ZNF438: variants seen among roughly 807,000 people sequenced by gnomAD.
ZNF438 encodes zinc finger protein 438.
ZNF438 carries 25 observed loss-of-function variants against 38.0 expected under a neutral mutation model. That is an observed-to-expected ratio of 0.66 (90% CI 0.48 to 0.92). ZNF438 has a LOEUF of 0.92. ZNF438 is among the 40% of genes least tolerant of loss of function. The pLI, the probability that ZNF438 is intolerant of heterozygous loss-of-function variation, is 0.00. For missense variants in ZNF438, 1,007 were observed against 999.6 expected (o/e 1.01, Z -0.10); for synonymous variants, 372 against 364.1 (o/e 1.02, Z -0.25).
chr10:30,922,879 A>G (rs928220510), intron 2 of ZNF438, among the ~76,000 whole-genome samples: 5 of 152,256 alleles, frequency 3.3e-5, no homozygotes, highest in East Asian at 1.9e-4. Context: ...TAAAAATTGT[A>G]CATTGCCAAG....
chr10:30,885,282 CT>C (rs2039809701), intron 3 of ZNF438, among the ~76,000 whole-genome samples: 1 of 152,184 alleles, frequency 6.6e-6, no homozygotes, highest in Admixed American at 6.5e-5. Context: ...GGCAGCTGCT[CT>C]TTTGACAGGC....
chr10:30,881,018 T>A (rs55964898), intron 3 of ZNF438, among the ~76,000 whole-genome samples: 2 of 152,114 alleles, frequency 1.3e-5, no homozygotes, highest in African/African-American at 4.8e-5. Context: ...ATGAGAAACC[T>A]AAAGCTAAAA....
At chr10:30,930,402 G>A (rs944030516) in intron 2 of ZNF438, among the ~76,000 whole-genome samples, 10 of 152,084 alleles carry the variant, frequency 6.6e-5, no homozygotes, top group African/African-American at 1.2e-4. Context: ...GCGCAGCCCC[G>A]GTTCCCACCC....
chr10:30,971,393 T>A (rs1379903809), intron 1 of ZNF438, among the ~76,000 whole-genome samples: 1 of 152,028 alleles, frequency 6.6e-6, no homozygotes, highest in African/African-American at 2.4e-5. Context: ...AAAAAACATA[T>A]CCATCTGTGG....
intron 2 of ZNF438, among the ~76,000 whole-genome samples, chr10:30,917,221 G>C (rs910075499): frequency 1.3e-5 from 2 of 152,040 alleles, no homozygotes; most frequent in Non-Finnish European, 1.5e-5. Context: ...AATAACCACA[G>C]TCTGTTTATC....
In ZNF438 at chr10:31,021,065, T is replaced by C. The variant is rs1371966898; in HGVS notation, c.-192+10768A>G. ...AAAAACAACAGCAACTTTTTTTTTT[T>C]TTTTTTTTTGAGACAGGCTCTCACT... On this transcript the variant is annotated intron_variant, in intron 1 of 5. Transcript: ENST00000413025. Among the ~76,000 whole-genome samples, 9 of 151,240 alleles carry C rather than the reference T, an allele frequency of 6.0e-5. No individual in the cohort carries two copies. In the South Asian group the frequency reaches 1.9e-3, roughly 31 times the overall value.
At position 30,895,152 on chromosome 10, in the gene ZNF438, A is replaced by C. The variant is rs114637585; in HGVS notation, c.-32+13781T>G. Among the ~76,000 whole-genome samples, 1,504 of 152,296 alleles carry C rather than the reference A, an allele frequency of 9.9e-3. 23 individuals carry two copies. Among genetic ancestry groups the C allele is most frequent in the African/African-American group, 0.034 (1,398 of 41,558 alleles). On this transcript the variant is annotated intron_variant, in intron 3 of 5. Transcript: ENST00000413025. ...TTGTGGATACTCAAGGATCCTAATTAAAAGGATACAACTAGGTGTGCTTTC... is the reference window on the plus strand; with the variant it reads ...TTGTGGATACTCAAGGATCCTAATTCAAAGGATACAACTAGGTGTGCTTTC...
At chr10:31,006,886 G>A (rs2055191974) in intron 1 of ZNF438, among the ~76,000 whole-genome samples, 1 of 152,044 alleles carries the variant, frequency 6.6e-6, no homozygotes, top group Admixed American at 6.5e-5. Context: ...CACTCATTTG[G>A]TAAGGCGGAA....
chr10:30,997,025 T>C (rs957060767), intron 1 of ZNF438, among the ~76,000 whole-genome samples: 2 of 152,104 alleles, frequency 1.3e-5, no homozygotes, highest in Admixed American at 6.5e-5. Flanking sequence ...CCAAAATTTA[T>C]TGGATACAGC....
At chr10:30,998,735 C>T (rs894980865) in intron 1 of ZNF438, among the ~76,000 whole-genome samples, 4 of 151,896 alleles carry the variant, frequency 2.6e-5, no homozygotes, top group South Asian at 4.2e-4. Context: ...GAAAACACAC[C>T]GATCTCTTTT....
At chr10:30,955,529 GCTAAGA>G (rs2048767575) in intron 1 of ZNF438, among the ~76,000 whole-genome samples, 1 of 152,184 alleles carries the variant, frequency 6.6e-6, no homozygotes, top group South Asian at 2.1e-4. Context: ...GTCTGACTAT[GCTAAGA>G]CTACCATGCT....
At chr10:30,990,959 A>G (rs1478937193) in intron 1 of ZNF438, among the ~76,000 whole-genome samples, 1 of 152,124 alleles carries the variant, frequency 6.6e-6, no homozygotes, top group African/African-American at 2.4e-5. Context: ...ATTTAACTGG[A>G]AAAAAAATTG....
chr10:31,032,039 C>T (rs888145088), upstream of ZNF438: 2 of 152,318 alleles, frequency 1.3e-5, no homozygotes, highest in South Asian at 4.1e-4. Flanking sequence ...GCGCAGACGG[C>T]CTCTGCGCCC....
At position 30,856,544 on chromosome 10, in the gene ZNF438, AG is replaced by A. The variant is rs556433363; in HGVS notation, c.38-6178del. ...TGGTTTATTCCACTACACATTTACAAGGCCTTTCACAGATGGTGTGATCTAA... is the reference window on the plus strand; with the variant it reads ...TGGTTTATTCCACTACACATTTACAAGCCTTTCACAGATGGTGTGATCTAA... On this transcript the variant is annotated intron_variant, in intron 4 of 5. Coordinates refer to ENST00000413025, the Ensembl canonical transcript of ZNF438. 3.8e-4 allele frequency among the ~76,000 whole-genome samples: 58 copies of A among 152,312 alleles called. 3 individuals carry two copies. In the South Asian group the frequency reaches 0.012, roughly 30 times the overall value.
chr10:30,874,950 A>G (rs1014705437), intron 4 of ZNF438, among the ~76,000 whole-genome samples: 5 of 152,128 alleles, frequency 3.3e-5, no homozygotes, highest in African/African-American at 1.2e-4. Context: ...AAGTTGTAAA[A>G]TAAGGTTTAC....
At chr10:30,952,200 G>A (rs1403326937) in intron 1 of ZNF438, among the ~76,000 whole-genome samples, 1 of 151,540 alleles carries the variant, frequency 6.6e-6, no homozygotes, top group African/African-American at 2.4e-5. Flanking sequence ...CTAGACATAT[G>A]TAGAAAGCTG....
In ZNF438 at chr10:30,893,176, T is replaced by G. The variant is rs199874215; in HGVS notation, c.-32+15757A>C. On this transcript the variant is annotated intron_variant, in intron 3 of 5. Coordinates refer to ENST00000413025, the Ensembl canonical transcript of ZNF438. ...CTTGCAAAAATTGCCATAGGAATTT[T>G]TCAATCAAATACTCAAAACGTTTAA... Among the ~76,000 whole-genome samples, 3 of 152,344 alleles carry G rather than the reference T, an allele frequency of 2.0e-5. No individual in the cohort carries two copies. In the East Asian group the frequency reaches 5.8e-4, roughly 29 times the overall value.
intron 1 of ZNF438, among the ~76,000 whole-genome samples, chr10:30,947,946 C>A (rs1324358623): frequency 2.6e-5 from 4 of 152,238 alleles, no homozygotes; most frequent in African/African-American, 9.6e-5. Context: ...CCCAGTACCT[C>A]AGATGGAAAT....
Position 30,937,339 on chromosome 10 carries a change from A to G in ZNF438, c.-115+4236T>C, listed in dbSNP as rs186880172. On this transcript the variant is annotated intron_variant, in intron 2 of 5. Coordinates refer to ENST00000413025, the Ensembl canonical transcript of ZNF438. ...TATTAAAATGCATAACATGATTTAG[A>G]ACATTTCTTCAAATTTCAACTTAAT... Among the ~76,000 whole-genome samples the G allele has an allele frequency of 4.5e-4, 68 of 152,362 alleles. No homozygotes were observed. The Middle Eastern group carries it at 0.02, about 46-fold the overall frequency.
Sources: allele counts gnomAD v4.1 joint callset (sites outside exome capture counted in the v4.1 genomes callset), GRCh38; gene constraint gnomAD v4.1.1; transcripts MANE v1.5; gene names NCBI Gene and HGNC (gene_info 2026-07-23, HGNC 2026-07-21).